Variants in LRP1B observed in about 807,000 individuals in gnomAD.
The protein encoded by LRP1B is low-density lipoprotein receptor-related protein 1B.
Under a neutral mutation model 556.6 loss-of-function variants are expected in LRP1B, and 217 were observed. That is an observed-to-expected ratio of 0.39 (90% CI 0.35 to 0.44). The LOEUF is 0.44. LRP1B is among the 20% of genes least tolerant of loss of function. The pLI, the probability that LRP1B is intolerant of heterozygous loss-of-function variation, is 1.00. For missense variants in LRP1B, 5,053 were observed against 5,620.8 expected (o/e 0.90, Z 3.23); for synonymous variants, 2,047 against 1,865.8 (o/e 1.10, Z -2.50).
chr2:140,253,293 T>C lies in LRP1B; in HGVS notation c.13248-6131A>G, dbSNP rs528893625. On this transcript the variant is annotated intron_variant, in intron 86 of 90. Coordinates refer to ENST00000389484, the MANE Select transcript of LRP1B (RefSeq NM_018557.3). ...TGATTTCTGAGAAGTGTTAATGTGGTAAAGTAAAAAGAGAAATGACATATT... is the reference window on the plus strand; with the variant it reads ...TGATTTCTGAGAAGTGTTAATGTGGCAAAGTAAAAAGAGAAATGACATATT... 2.0e-5 allele frequency among the ~76,000 whole-genome samples: 3 copies of C among 152,124 alleles called. No homozygotes were observed. In the South Asian group the frequency reaches 6.2e-4, roughly 31 times the overall value.
At chr2:141,034,081 T>TA (rs936162864) in intron 11 of LRP1B, among the ~76,000 whole-genome samples, 15 of 152,064 alleles carry the variant, frequency 9.9e-5, no homozygotes, top group Admixed American at 4.6e-4. Context: ...TTAAGGCCTT[T>TA]AAAAAAATCT....
intron 34 of LRP1B, among the ~76,000 whole-genome samples, chr2:140,769,774 G>A (rs1467830689): frequency 6.6e-6 from 1 of 151,792 alleles, no homozygotes. Flanking sequence ...ACTTATATAT[G>A]ATAATAAACC....
rs778501569 is a variant in LRP1B at position 140,700,375 on chromosome 2, A to C, written c.6674T>G (p.Ile2225Arg). The C allele has an allele frequency of 6.2e-7, 1 of 1,613,452 alleles. No individual in the cohort carries two copies. ...YENPRYFKNV[I>R]ALAFDYNQRR... Reference sequence around the variant, plus strand: ...TTGATTATAGTCAAAAGCCAAGGCTATGACATTCTTGAAATAACGTGGATT... The same window carrying C: ...TTGATTATAGTCAAAAGCCAAGGCTCTGACATTCTTGAAATAACGTGGATT... The change falls in exon 41 of 91, where the codon ATA becomes AGA. Residue 2225 changes from isoleucine (I) to arginine (R), a missense_variant. Physicochemically the swap from Ile to Arg is moderately conservative, Grantham distance 97. Coordinates refer to ENST00000389484, the MANE Select transcript of LRP1B (RefSeq NM_018557.3).
intron 1 of LRP1B, among the ~76,000 whole-genome samples, chr2:142,091,213 G>A (rs967763283): frequency 3.9e-5 from 6 of 151,914 alleles, no homozygotes; most frequent in Non-Finnish European, 7.4e-5. Context: ...TTTCAGAGAC[G>A]AACTCATTTT....
intron 2 of LRP1B, among the ~76,000 whole-genome samples, chr2:141,688,038 C>T (rs980149525): frequency 2.0e-5 from 3 of 150,534 alleles, no homozygotes; most frequent in Admixed American, 6.7e-5. Flanking sequence ...AAATGTTCTG[C>T]GTACATGTTA....
intron 3 of LRP1B, among the ~76,000 whole-genome samples, chr2:141,262,571 T>C (rs565334490): frequency 1.3e-5 from 2 of 152,302 alleles, no homozygotes; most frequent in East Asian, 3.9e-4. Flanking sequence ...TTGTAGTTTA[T>C]TTTTGTTTAA....
intron 79 of LRP1B, 48 bp from the exon 80 acceptor site, chr2:140,325,926 TCATTCAAAATCATAC>T (rs779896313): frequency 2.4e-5 from 27 of 1,129,954 alleles, no homozygotes; most frequent in Non-Finnish European, 3.4e-5. Flanking sequence ...AAATTTGAAA[TCATTCAAAATCATAC>T]TTTTGCTTCT....
chr2:141,396,842 G>T (rs1426474316), intron 3 of LRP1B, among the ~76,000 whole-genome samples: 1 of 152,034 alleles, frequency 6.6e-6, no homozygotes, highest in African/African-American at 2.4e-5. Context: ...AGGATGCGTG[G>T]CCGGGCACAA....
chr2:141,984,269 A>C (rs1363815841), intron 1 of LRP1B, among the ~76,000 whole-genome samples: 1 of 152,100 alleles, frequency 6.6e-6, no homozygotes, highest in Non-Finnish European at 1.5e-5. Context: ...TAAACTCGTC[A>C]TTTAGCATTA....
Position 140,702,179 on chromosome 2 carries a change from T to C in LRP1B, c.6264A>G (p.Ser2088=), listed in dbSNP as rs1393799240. The C allele has an allele frequency of 1.9e-6, 3 of 1,613,650 alleles. No homozygotes were observed. The highest frequency in any genetic ancestry group is 2.2e-5 in the South Asian group (2 of 91,078). ...AGATGTAAGCCCCAAAGACTGCAACTGAAAACATATCCACATTGCTTCCTG... is the reference window on the plus strand; with the variant it reads ...AGATGTAAGCCCCAAAGACTGCAACCGAAAACATATCCACATTGCTTCCTG... ...VLSGSNVDMF[S]VAVFGAYIYW... is the part of the protein sequence containing the mutation. The change falls in exon 39 of 91, where the codon TCA becomes TCG. Residue 2088 remains serine, a synonymous_variant. Coordinates refer to ENST00000389484, the MANE Select transcript of LRP1B (RefSeq NM_018557.3).
At chr2:141,847,634 A>G (rs1374881556) in intron 1 of LRP1B, among the ~76,000 whole-genome samples, 1 of 151,604 alleles carries the variant, frequency 6.6e-6, no homozygotes, top group East Asian at 1.9e-4. Flanking sequence ...CTTAAGACCA[A>G]CTTCTACATA....
chr2:141,211,418 G>T (rs1043342838), intron 6 of LRP1B, among the ~76,000 whole-genome samples: 2 of 150,700 alleles, frequency 1.3e-5, no homozygotes, highest in African/African-American at 4.9e-5. Context: ...TCAGGAGTTT[G>T]AGACCAGCCT....
At chr2:141,892,741 T>C (rs1006324209) in intron 1 of LRP1B, among the ~76,000 whole-genome samples, 1 of 152,170 alleles carries the variant, frequency 6.6e-6, no homozygotes, top group Admixed American at 6.5e-5. Context: ...GTCAAAATGG[T>C]GAAGAGTCTT....
At chr2:141,465,868 T>A (rs1005494078) in intron 3 of LRP1B, among the ~76,000 whole-genome samples, 4 of 150,920 alleles carry the variant, frequency 2.7e-5, no homozygotes, top group Non-Finnish European at 4.4e-5. Context: ...TTTATACCTC[T>A]CAGGTATGTT....
At chr2:141,932,561 T>C (rs968289016) in intron 1 of LRP1B, among the ~76,000 whole-genome samples, 2 of 152,038 alleles carry the variant, frequency 1.3e-5, no homozygotes, top group African/African-American at 4.8e-5. Flanking sequence ...GTAATGCTTG[T>C]GTAAGTGCAT....
chr2:140,948,411 A>G (rs879172351), intron 20 of LRP1B, among the ~76,000 whole-genome samples: 1 of 152,230 alleles, frequency 6.6e-6, no homozygotes, highest in Admixed American at 6.5e-5. Flanking sequence ...ACTCAATATT[A>G]ATGATAGGCA....
chr2:140,571,349 C>T (rs1356400196), intron 43 of LRP1B, among the ~76,000 whole-genome samples: 1 of 151,702 alleles, frequency 6.6e-6, no homozygotes, highest in African/African-American at 2.4e-5. Flanking sequence ...AAAATGGTAA[C>T]ATTTCTATAC....
At chr2:141,304,398 T>C (rs1315309073) in intron 3 of LRP1B, among the ~76,000 whole-genome samples, 1 of 151,830 alleles carries the variant, frequency 6.6e-6, no homozygotes, top group South Asian at 2.1e-4. Context: ...TAATTTTAGG[T>C]CTTTTATAGT....
intron 6 of LRP1B, among the ~76,000 whole-genome samples, chr2:141,208,876 C>CAAAAAAAAA (rs57659094): frequency 4.6e-5 from 3 of 65,462 alleles, no homozygotes; most frequent in African/African-American, 5.9e-5. Flanking sequence ...GATTCCGTCT[C>CAAAAAAAAA]AAAAAAAAAA....
Sources: allele counts gnomAD v4.1 joint callset (sites outside exome capture counted in the v4.1 genomes callset), GRCh38; gene constraint gnomAD v4.1.1; transcripts MANE v1.5; gene names NCBI Gene and HGNC (gene_info 2026-07-23, HGNC 2026-07-21).